Variants in PRDM16 observed in about 807,000 individuals in gnomAD.
PRDM16 encodes the protein histone-lysine N-methyltransferase PRDM16.
Under a neutral mutation model 110.6 loss-of-function variants are expected in PRDM16, and 23 were observed. The ratio of observed to expected loss-of-function variants is 0.21; its 90% CI spans 0.15 to 0.29. The LOEUF (loss-of-function observed/expected upper bound fraction) is 0.29, where lower values mean the gene tolerates loss of function less well. PRDM16 is among the 10% of genes least tolerant of loss of function. PRDM16 has a pLI of 1.00. For synonymous variants in PRDM16, 799 were observed against 781.8 expected (o/e 1.02, Z -0.37); for missense variants, 1,615 against 1,794.3 (o/e 0.90, Z 1.81).
chr1:3,092,944 C>A (rs1359865221), intron 1 of PRDM16, among the ~76,000 whole-genome samples: 1 of 152,146 alleles, frequency 6.6e-6, no homozygotes, highest in Non-Finnish European at 1.5e-5. Context: ...CTACCTCGGG[C>A]CCCTGGGTCC....
intron 1 of PRDM16, among the ~76,000 whole-genome samples, chr1:3,086,338 C>A (rs1004626475): frequency 6.6e-6 from 1 of 152,174 alleles, no homozygotes; most frequent in African/African-American, 2.4e-5. Flanking sequence ...GTTTCTGTTG[C>A]AGGCCAAGGT....
At chr1:3,325,983 TCGACCATCCTTGGCCCC>T (rs1641887320) in intron 3 of PRDM16, among the ~76,000 whole-genome samples, 1 of 148,238 alleles carries the variant, frequency 6.7e-6, no homozygotes, top group African/African-American at 2.5e-5. Flanking sequence ...TTGGCCATCC[TCGACCATCCTTGGCCCC>T]CCTTGGCCAT....
chr1:3,072,010 G>T (rs1641776019), intron 1 of PRDM16, among the ~76,000 whole-genome samples: 1 of 152,200 alleles, frequency 6.6e-6, no homozygotes, highest in African/African-American at 2.4e-5. Flanking sequence ...GCTTTCCAAG[G>T]ACAGAGGTGG....
At chr1:3,133,080 A>G (rs1218177315) in intron 1 of PRDM16, 1 of 152,392 alleles carries the variant, frequency 6.6e-6, no homozygotes, top group East Asian at 1.9e-4. Flanking sequence ...GGTGGTGGTC[A>G]CTGCCAGACT....
chr1:3,292,917 T>C (rs1641008697), intron 3 of PRDM16, among the ~76,000 whole-genome samples: 1 of 152,218 alleles, frequency 6.6e-6, no homozygotes, highest in African/African-American at 2.4e-5. Flanking sequence ...GAAGAGGCAC[T>C]GGTCTTTTCC....
chr1:3,383,971 A>G (rs1643152917), intron 3 of PRDM16, among the ~76,000 whole-genome samples: 1 of 150,458 alleles, frequency 6.6e-6, no homozygotes, highest in Non-Finnish European at 1.5e-5. Flanking sequence ...CCAAGGACAC[A>G]CTTGCCCAAG....
intron 3 of PRDM16, among the ~76,000 whole-genome samples, chr1:3,281,469 A>G (rs1640710493): frequency 6.6e-6 from 1 of 152,232 alleles, no homozygotes. Context: ...CAGCCTTGAA[A>G]CTTATCAGTC....
rs1638616174 is a variant in PRDM16, at chr1:3,201,168, G to A, written c.387+14694G>A. On this transcript the variant is annotated intron_variant, in intron 2 of 16. Transcript: ENST00000270722. This position sits in a 1 kb window ranked among gnomAD's most constrained non-coding sequence, Gnocchi z 4.1. The stretch of plus-strand genomic sequence containing the variant: ...CGCTGCCTTCTTTTGAGGAGGACAG[G>A]GATGGAAAAAGGGGTCTGGGCTGCA... Among the ~76,000 whole-genome samples the A allele has an allele frequency of 6.6e-6, 1 of 152,030 alleles. No individual in the cohort carries two copies. The highest frequency in any genetic ancestry group is 2.4e-5 in the African/African-American group (1 of 41,402).
intron 15 of PRDM16, among the ~76,000 whole-genome samples, chr1:3,431,449 CGTG>C (rs896133010): frequency 1.3e-5 from 2 of 152,252 alleles, no homozygotes; most frequent in African/African-American, 4.8e-5. Context: ...ACTAGAGGGC[CGTG>C]GGCACACGGG....
intron 3 of PRDM16, among the ~76,000 whole-genome samples, chr1:3,273,189 A>G (rs578094707): frequency 2.0e-5 from 3 of 152,204 alleles, no homozygotes; most frequent in African/African-American, 7.2e-5. Context: ...GCAGGTTTTT[A>G]CCCAGCTCTT....
At chr1:3,135,969 C>T (rs537177478) in intron 1 of PRDM16, among the ~76,000 whole-genome samples, 3 of 152,112 alleles carry the variant, frequency 2.0e-5, no homozygotes, top group South Asian at 4.2e-4. Context: ...AGAGCCTGGG[C>T]GTCTCCCTTT....
chr1:3,194,694 TCGTCTCCCCGCCACACGCCAC>T (rs1264634322), intron 2 of PRDM16, among the ~76,000 whole-genome samples: 7 of 77,062 alleles, frequency 9.1e-5, no homozygotes, highest in East Asian at 3.5e-4. Context: ...CCACACGCCA[TCGTCTCCCCGCCACACGCCAC>T]CGTCTCCCCG....
At chr1:3,105,696 G>T (rs1362718461) in intron 1 of PRDM16, among the ~76,000 whole-genome samples, 1 of 152,202 alleles carries the variant, frequency 6.6e-6, no homozygotes. Flanking sequence ...TCTGCCTCCC[G>T]CAGTAATTAC....
At chr1:3,224,869 C>T (rs569335829) in intron 2 of PRDM16, among the ~76,000 whole-genome samples, 5 of 152,352 alleles carry the variant, frequency 3.3e-5, no homozygotes, top group South Asian at 4.1e-4. Flanking sequence ...CTCGTCTCTG[C>T]GGACTTGTGT....
chr1:3,286,074 A>G (rs1557582055), intron 3 of PRDM16, among the ~76,000 whole-genome samples: 1 of 152,194 alleles, frequency 6.6e-6, no homozygotes, highest in Non-Finnish European at 1.5e-5. Flanking sequence ...TAAAAAGTCA[A>G]TTACAGGAGT....
rs112415941 is a variant in PRDM16, at chr1:3,218,241, G to C, written c.388-25846G>C. On this transcript the variant is annotated intron_variant, in intron 2 of 16. Coordinates refer to ENST00000270722, the MANE Select transcript of PRDM16 (RefSeq NM_022114.4). Reference sequence around the variant, plus strand: ...GTTCGTACTTCTCCTCTCTCATGGGGGTCCCCCAAAGCCTTTCATTCCGGC... The same window carrying C: ...GTTCGTACTTCTCCTCTCTCATGGGCGTCCCCCAAAGCCTTTCATTCCGGC... Among the ~76,000 whole-genome samples the C allele has an allele frequency of 2.0e-5, 3 of 152,224 alleles. No homozygotes were observed. The East Asian group carries it at 5.8e-4, about 29-fold the overall frequency.
At chr1:3,180,933 C>T (rs1224537349) in intron 1 of PRDM16, among the ~76,000 whole-genome samples, 4 of 146,760 alleles carry the variant, frequency 2.7e-5, no homozygotes, top group East Asian at 4.3e-4. Context: ...CACACGCAGC[C>T]ACACACGCAG....
intron 1 of PRDM16, among the ~76,000 whole-genome samples, chr1:3,129,296 G>A (rs373022102): frequency 0.014 from 2,015 of 149,034 alleles, 50 homozygotes; most frequent in African/African-American, 0.047. Flanking sequence ...TGGTGTGTGC[G>A]TGTCAGTGTC....
intron 1 of PRDM16, among the ~76,000 whole-genome samples, chr1:3,119,422 C>T (rs914807542): frequency 2.6e-5 from 4 of 152,254 alleles, no homozygotes; most frequent in Non-Finnish European, 5.9e-5. Flanking sequence ...ACTCCCCATC[C>T]AGCCCTGGCC....
Sources: allele counts gnomAD v4.1 joint callset (sites outside exome capture counted in the v4.1 genomes callset), GRCh38; gene constraint gnomAD v4.1.1; non-coding constraint Gnocchi (gnomAD v3.1); transcripts MANE v1.5; gene names NCBI Gene and HGNC (gene_info 2026-07-23, HGNC 2026-07-21).